The following ASIC2 variants were observed in gnomAD, a reference collection of about 807,000 sequenced individuals.
ASIC2 encodes the protein acid sensing ion channel subunit 2, also known as acid-sensing ion channel 2.
A neutral mutation model predicts 57.3 loss-of-function variants in ASIC2; 25 were observed. That is an observed-to-expected ratio of 0.44 (90% CI 0.32 to 0.61). The LOEUF (loss-of-function observed/expected upper bound fraction) is 0.61, where lower values mean the gene tolerates loss of function less well. Among genes scored for constraint, ASIC2 ranks in the 20% least tolerant of loss-of-function variants. ASIC2 has a pLI of 0.06. For synonymous variants in ASIC2, 319 were observed against 307.5 expected (o/e 1.04, Z -0.39); for missense variants, 641 against 738.1 (o/e 0.87, Z 1.52).
chr17:33,070,520 T>C (rs761638360), intron 3 of ASIC2, among the ~76,000 whole-genome samples: 1 of 152,038 alleles, frequency 6.6e-6, no homozygotes, highest in African/African-American at 2.4e-5. Context: ...ACATTTTTAG[T>C]AGAGACAGGG....
chr17:33,334,135 G>A (rs1484688156), intron 1 of ASIC2, among the ~76,000 whole-genome samples: 2 of 152,140 alleles, frequency 1.3e-5, no homozygotes, highest in Non-Finnish European at 2.9e-5. Context: ...TTGTCTTAGG[G>A]GACTGAGTTT....
At chr17:34,131,388 C>G (rs1173584402) in intron 1 of ASIC2, among the ~76,000 whole-genome samples, 3 of 152,138 alleles carry the variant, frequency 2.0e-5, no homozygotes, top group Admixed American at 1.3e-4. Context: ...TGCCAGCCCC[C>G]CAAGCTCCAC....
intron 1 of ASIC2, among the ~76,000 whole-genome samples, chr17:33,182,362 C>A (rs1042569991): frequency 5.3e-5 from 8 of 152,036 alleles, no homozygotes; most frequent in Admixed American, 4.6e-4. Flanking sequence ...TTATAAAGAA[C>A]CAGTAAGATA....
chr17:33,342,731 T>C (rs1907775099), intron 1 of ASIC2, among the ~76,000 whole-genome samples: 1 of 152,218 alleles, frequency 6.6e-6, no homozygotes, highest in South Asian at 2.1e-4. Context: ...GGATCACTTT[T>C]GCTTATCTGA....
rs867519563 is a variant in ASIC2, at chr17:33,912,755, G to A, written c.555+243223C>T. Among the ~76,000 whole-genome samples, 21 of 152,048 alleles carry A rather than the reference G, an allele frequency of 1.4e-4. No individual in the cohort carries two copies. The South Asian group carries it at 3.3e-3, about 24-fold the overall frequency. On this transcript the variant is annotated intron_variant, in intron 1 of 9. Coordinates refer to the ASIC2 transcript ENST00000359872. Reference sequence around the variant, plus strand: ...AGCACTTTGGGAGGCGGAGGTGGGCGGATCACCTGAGGTTGGGAGTTCGAG... The same window carrying A: ...AGCACTTTGGGAGGCGGAGGTGGGCAGATCACCTGAGGTTGGGAGTTCGAG...
rs74382567 is a variant in ASIC2 at position 33,492,128 on chromosome 17, G to A, written c.556-380061C>T. 9.4e-3 allele frequency among the ~76,000 whole-genome samples: 1,434 copies of A among 152,282 alleles called. 15 individuals are homozygous for A. The highest frequency in any genetic ancestry group is 0.029 in the South Asian group (142 of 4,824). ...GGCCTTGCTAGAAGTTGCAATACCC[G>A]TAATGTAATAACACAGCTAGCATGT... is the stretch of plus-strand genomic sequence containing the variant. On this transcript the variant is annotated intron_variant, in intron 1 of 9. Transcript: ENST00000359872.
chr17:33,694,795 T>A (rs1309940410), intron 1 of ASIC2, among the ~76,000 whole-genome samples: 1 of 152,144 alleles, frequency 6.6e-6, no homozygotes, highest in Admixed American at 6.5e-5. Flanking sequence ...TCTCTCAGGG[T>A]GAGTGGGATT....
intron 1 of ASIC2, among the ~76,000 whole-genome samples, chr17:33,531,811 C>T (rs1469648596): frequency 2.0e-5 from 3 of 152,040 alleles, no homozygotes; most frequent in Non-Finnish European, 2.9e-5. Context: ...GTGAGGTGCT[C>T]GAGGTTGGGA....
chr17:33,440,353 A>G (rs765033483), intron 1 of ASIC2, among the ~76,000 whole-genome samples: 1 of 152,198 alleles, frequency 6.6e-6, no homozygotes, highest in African/African-American at 2.4e-5. Context: ...TGTATACACC[A>G]TGTTTTGTTT....
intron 1 of ASIC2, among the ~76,000 whole-genome samples, chr17:33,349,163 G>C (rs4795768): frequency 0.31 from 47,679 of 152,096 alleles, 7,753 homozygotes; most frequent in Admixed American, 0.37. Flanking sequence ...TGTCATATGA[G>C]AGAGAAGGCT....
intron 1 of ASIC2, among the ~76,000 whole-genome samples, chr17:33,952,156 A>G (rs1251986639): frequency 6.6e-6 from 1 of 152,210 alleles, no homozygotes; most frequent in Non-Finnish European, 1.5e-5. Flanking sequence ...GAGAGAGGAG[A>G]GGAAGCAAAC....
chr17:33,444,452 TG>T (rs369041257), intron 1 of ASIC2, among the ~76,000 whole-genome samples: 25 of 152,138 alleles, frequency 1.6e-4, no homozygotes, highest in African/African-American at 5.6e-4. Context: ...TGCAGAGCAG[TG>T]GAGGCAAGAA....
intron 5 of ASIC2, 87 bp downstream of exon 5, chr17:33,025,839 T>G: frequency 2.2e-6 from 3 of 1,334,528 alleles, no homozygotes; most frequent in Non-Finnish European, 3.1e-6. Flanking sequence ...TTCTTCCACT[T>G]GATCTTTCCC....
At chr17:33,474,840 C>T (rs998841573) in intron 1 of ASIC2, among the ~76,000 whole-genome samples, 2 of 152,110 alleles carry the variant, frequency 1.3e-5, no homozygotes, top group Admixed American at 6.5e-5. Context: ...AATATGGTTG[C>T]GTGTGACCTT....
chr17:33,375,022 A>G (rs931576451), intron 1 of ASIC2, among the ~76,000 whole-genome samples: 2 of 152,200 alleles, frequency 1.3e-5, no homozygotes, highest in African/African-American at 4.8e-5. Context: ...TCTATTTTTT[A>G]AAGAAATCTG....
In ASIC2 at chr17:33,112,141, C is replaced by T; in HGVS notation, c.709-74G>A. ...ACGGGGGTCCAGAGATTGGCGAGACCCCAGAAATCTGACAGCAGGTCAGAG... is the reference window on the plus strand; with the variant it reads ...ACGGGGGTCCAGAGATTGGCGAGACTCCAGAAATCTGACAGCAGGTCAGAG... On this transcript the variant is annotated intron_variant, in intron 1 of 9. Coordinates refer to ENST00000225823, the MANE Select transcript of ASIC2 (RefSeq NM_183377.2). 6 of 1,479,624 alleles carry T rather than the reference C, an allele frequency of 4.1e-6. No individual in the cohort carries two copies. In the Middle Eastern group the frequency reaches 5.4e-4, roughly 133 times the overall value. The allele number at this position is 1,479,624 out of a possible 1,614,324, so 91.7% of individuals were successfully genotyped here. A position where few individuals can be genotyped will look rare whatever the true frequency, so the allele number is the denominator to read the frequency against.
chr17:34,076,049 C>G (rs1909637459), intron 1 of ASIC2, among the ~76,000 whole-genome samples: 1 of 151,756 alleles, frequency 6.6e-6, no homozygotes, highest in Non-Finnish European at 1.5e-5. Context: ...GTTGCCCAGG[C>G]TGGAGTGCAG....
intron 1 of ASIC2, among the ~76,000 whole-genome samples, chr17:33,383,584 C>T (rs778766995): frequency 5.9e-5 from 9 of 152,314 alleles, no homozygotes; most frequent in African/African-American, 1.4e-4. Context: ...GTTTGACACA[C>T]GTGGATCAAT....
At chr17:33,019,449 A>G (rs1232714642) in intron 7 of ASIC2, among the ~76,000 whole-genome samples, 1 of 151,604 alleles carries the variant, frequency 6.6e-6, no homozygotes, top group Non-Finnish European at 1.5e-5. Context: ...AGAGGTGTGC[A>G]TTTGTGTGTG....
Sources: gnomAD v4.1 joint callset for allele counts (sites outside exome capture counted in the v4.1 genomes callset) on GRCh38, gnomAD v4.1.1 for gene constraint, MANE v1.5 for transcripts, NCBI Gene and HGNC (gene_info 2026-07-23, HGNC 2026-07-21) for gene names.